The following HS2ST1 variants were observed in gnomAD, a reference collection of about 807,000 sequenced individuals.
HS2ST1 encodes heparan sulfate 2-O-sulfotransferase 1.
Under a neutral mutation model 42.9 loss-of-function variants are expected in HS2ST1, and 18 were observed. The ratio of observed to expected loss-of-function variants is 0.42; its 90% CI spans 0.29 to 0.62. HS2ST1 has a LOEUF of 0.62. Among genes scored for constraint, HS2ST1 ranks in the 20% least tolerant of loss-of-function variants. The pLI is 0.21. For synonymous variants in HS2ST1, 146 were observed against 152.9 expected (o/e 0.95, Z 0.33); for missense variants, 334 against 433.8 (o/e 0.77, Z 2.04).
chr1:87,077,047 A>T (rs1289408944), intron 2 of HS2ST1, among the ~76,000 whole-genome samples: 2 of 152,216 alleles, frequency 1.3e-5, no homozygotes, highest in Non-Finnish European at 2.9e-5. Flanking sequence ...TAAAATGCAG[A>T]TTCAGATTCA....
chr1:87,037,196 G>GAAA (rs1650396904), intron 1 of HS2ST1, among the ~76,000 whole-genome samples: 1 of 17,200 alleles, frequency 5.8e-5, no homozygotes, highest in Admixed American at 1.5e-3. Context: ...TGTTTAATAT[G>GAAA]TAATTCTATA....
chr1:87,010,362 A>C (rs1240402278), intron 1 of HS2ST1, among the ~76,000 whole-genome samples: 1 of 152,140 alleles, frequency 6.6e-6, no homozygotes, highest in Non-Finnish European at 1.5e-5. Context: ...ATATTATAGA[A>C]TGTAATTAGG....
chr1:87,059,467 A>G (rs978252779), intron 1 of HS2ST1, among the ~76,000 whole-genome samples: 8 of 152,352 alleles, frequency 5.3e-5, no homozygotes, highest in African/African-American at 1.9e-4. Flanking sequence ...AAATAGGAAC[A>G]GTTCACTTGA....
chr1:86,943,350 C>T lies in HS2ST1; in HGVS notation c.124+28190C>T, dbSNP rs147636647. 3.3e-5 allele frequency among the ~76,000 whole-genome samples: 5 copies of T among 152,280 alleles called. No homozygotes were observed. In the East Asian group the frequency reaches 9.6e-4, roughly 29 times the overall value. On this transcript the variant is annotated intron_variant, in intron 1 of 6. Transcript: ENST00000370550. Reference sequence around the variant, plus strand: ...ATTATTGTTATATCTTAACCAGCGTCTAGGCAACTTGGACCCTTCAGATAC... The same window carrying T: ...ATTATTGTTATATCTTAACCAGCGTTTAGGCAACTTGGACCCTTCAGATAC...
At chr1:86,947,874 T>G (rs2753270) in intron 1 of HS2ST1, among the ~76,000 whole-genome samples, 44,462 of 151,952 alleles carry the variant, frequency 0.29, 8,436 homozygotes, top group African/African-American at 0.54. Flanking sequence ...GAGAAGATGG[T>G]ATAGGCAGAA....
At chr1:87,095,705 A>G (rs1652044890) in intron 4 of HS2ST1, among the ~76,000 whole-genome samples, 1 of 152,176 alleles carries the variant, frequency 6.6e-6, no homozygotes, top group African/African-American at 2.4e-5. Flanking sequence ...CTTAAAAATT[A>G]TTAAGGATTG....
intron 1 of HS2ST1, among the ~76,000 whole-genome samples, chr1:87,067,923 C>T (rs1279632926): frequency 6.6e-6 from 1 of 152,142 alleles, no homozygotes; most frequent in Non-Finnish European, 1.5e-5. Context: ...CTCCATTGGT[C>T]TGTATTTATG....
At chr1:87,081,504 C>T (rs74762891) in intron 2 of HS2ST1, among the ~76,000 whole-genome samples, 318 of 152,254 alleles carry the variant, frequency 2.1e-3, no homozygotes, top group Non-Finnish European at 4.0e-3. Flanking sequence ...AATGGAAATA[C>T]AGCCTTCCAA....
intron 4 of HS2ST1, among the ~76,000 whole-genome samples, chr1:87,095,756 T>C (rs1570545081): frequency 6.6e-6 from 1 of 152,168 alleles, no homozygotes; most frequent in South Asian, 2.1e-4. Flanking sequence ...TTTTGGGTTA[T>C]ATCTATTGAT....
intron 1 of HS2ST1, among the ~76,000 whole-genome samples, chr1:87,064,839 T>G (rs1002258494): frequency 6.6e-6 from 1 of 152,014 alleles, no homozygotes; most frequent in Non-Finnish European, 1.5e-5. Flanking sequence ...TTTTAAAAAT[T>G]TTTAGTAGAG....
chr1:87,103,011 A>C (rs1420775939), intron 5 of HS2ST1, among the ~76,000 whole-genome samples: 1 of 151,866 alleles, frequency 6.6e-6, no homozygotes, highest in Non-Finnish European at 1.5e-5. Context: ...GAAAACACTT[A>C]GCTCACAAAA....
chr1:87,096,881 G>A (rs1652081481), intron 4 of HS2ST1, among the ~76,000 whole-genome samples: 1 of 152,182 alleles, frequency 6.6e-6, no homozygotes. Flanking sequence ...TATGGTAGGT[G>A]CATGGATATA....
In HS2ST1 at chr1:86,914,931, CTT is replaced by C; in HGVS notation, c.-104_-103del. On this transcript the variant is annotated 5_prime_UTR_variant, in exon 1 of 7. Transcript: ENST00000370550. Reference sequence around the variant, plus strand: ...GGTGGTTCTCTCGCTGTCGCTCTCTCTTTGCCTCGCTCCCGGCTCGGCGGGCT... The same window carrying C: ...GGTGGTTCTCTCGCTGTCGCTCTCTCTGCCTCGCTCCCGGCTCGGCGGGCT... 1.4e-6 allele frequency: 2 copies of C among 1,441,364 alleles called. No homozygotes were observed. Among genetic ancestry groups the C allele is most frequent in the Non-Finnish European group, 1.9e-6 (2 of 1,041,272 alleles). 89.3% of individuals were successfully genotyped at this position (1,441,364 alleles called of 1,614,324 possible).
chr1:86,923,106 T>G (rs1303806296), intron 1 of HS2ST1, among the ~76,000 whole-genome samples: 1 of 152,202 alleles, frequency 6.6e-6, no homozygotes, highest in East Asian at 1.9e-4. Context: ...AATCCACTTT[T>G]AATATTACCC....
rs530769527 is a variant in HS2ST1 at position 87,079,517 on chromosome 1, A to G, written c.364-4677A>G. Among the ~76,000 whole-genome samples the G allele has an allele frequency of 1.1e-4, 17 of 152,300 alleles. 1 individual carries two copies. Among genetic ancestry groups the G allele is most frequent in the Non-Finnish European group, 1.5e-5 (1 of 68,022 alleles). On this transcript the variant is annotated intron_variant, in intron 2 of 6. Transcript: ENST00000370550. ...TACTGACATCATTTATTTGCTTCAC[A>G]CTTTTTTCTTCGTCATAAAGAGAAG...
At chr1:86,926,605 T>C (rs1194169826) in intron 1 of HS2ST1, among the ~76,000 whole-genome samples, 2 of 152,226 alleles carry the variant, frequency 1.3e-5, no homozygotes, top group Non-Finnish European at 2.9e-5. Context: ...GGTAAGAGGG[T>C]AAATTCAGTC....
intron 1 of HS2ST1, among the ~76,000 whole-genome samples, chr1:86,969,106 C>G (rs1426560933): frequency 6.6e-6 from 1 of 152,142 alleles, no homozygotes; most frequent in East Asian, 1.9e-4. Flanking sequence ...ACTTTTCATA[C>G]TTAATACTTT....
chr1:86,944,152 A>G (rs953898010), intron 1 of HS2ST1, among the ~76,000 whole-genome samples: 1 of 152,140 alleles, frequency 6.6e-6, no homozygotes, highest in African/African-American at 2.4e-5. Context: ...AAATACCCTA[A>G]AATTAAGAAA....
intron 1 of HS2ST1, among the ~76,000 whole-genome samples, chr1:87,018,879 C>T (rs1483952255): frequency 6.6e-6 from 1 of 152,110 alleles, no homozygotes; most frequent in African/African-American, 2.4e-5. Flanking sequence ...GTTGAATTTT[C>T]CCTGTTCAAA....
Sources: gnomAD v4.1 joint callset for allele counts (sites outside exome capture counted in the v4.1 genomes callset) on GRCh38, gnomAD v4.1.1 for gene constraint, MANE v1.5 for transcripts, NCBI Gene and HGNC (gene_info 2026-07-23, HGNC 2026-07-21) for gene names.